The following IQCJ variants were observed in gnomAD, a reference collection of about 807,000 sequenced individuals.
IQCJ encodes the protein IQ motif containing J.
Under a neutral mutation model 11.0 loss-of-function variants are expected in IQCJ, and 9 were observed. The ratio of observed to expected loss-of-function variants is 0.82; its 90% CI spans 0.49 to 1.43. The LOEUF (loss-of-function observed/expected upper bound fraction) is 1.43. Among genes scored for constraint, IQCJ ranks in the 40% most tolerant of loss-of-function variants. The pLI is 0.00. For synonymous variants in IQCJ, 55 were observed against 51.3 expected (o/e 1.07, Z -0.31); for missense variants, 146 against 133.2 (o/e 1.10, Z -0.47).
intron 1 of IQCJ, among the ~76,000 whole-genome samples, chr3:159,150,505 T>C (rs1022056854): frequency 1.3e-5 from 2 of 151,912 alleles, no homozygotes; most frequent in African/African-American, 4.8e-5. Context: ...CTCAGTAGGA[T>C]GCACAGGCAT....
Position 159,119,534 on chromosome 3 carries a change from G to A in IQCJ, c.9+50093G>A, listed in dbSNP as rs145312647. On this transcript the variant is annotated intron_variant, in intron 1 of 3. Transcript: ENST00000397832. ...GCTTTTTCATAGAACATTTGAAGAT[G>A]TTTACTAGTAAAACATCAGAAAAAA... is the stretch of plus-strand genomic sequence containing the variant. Among the ~76,000 whole-genome samples the A allele has an allele frequency of 1.0e-3, 157 of 152,234 alleles. 1 individual carries two copies. Among genetic ancestry groups the A allele is most frequent in the African/African-American group, 3.5e-3 (147 of 41,538 alleles).
At chr3:159,142,848 TAC>T (rs564839547) in intron 1 of IQCJ, among the ~76,000 whole-genome samples, 7 of 152,250 alleles carry the variant, frequency 4.6e-5, no homozygotes, top group African/African-American at 7.2e-5. Context: ...ATTTGATTAT[TAC>T]AATTTTTTAA....
intron 1 of IQCJ, among the ~76,000 whole-genome samples, chr3:159,141,301 C>T (rs755859884): frequency 7.2e-5 from 11 of 152,036 alleles, no homozygotes; most frequent in Non-Finnish European, 1.3e-4. Context: ...GGCTGGGGGG[C>T]ATTAAATGAG....
intron 1 of IQCJ, among the ~76,000 whole-genome samples, chr3:159,240,336 A>G (rs1370021776): frequency 1.3e-5 from 2 of 152,212 alleles, no homozygotes; most frequent in Non-Finnish European, 1.5e-5. Flanking sequence ...GTTAAAAATA[A>G]AGATGTTTAT....
At chr3:159,138,699 G>A (rs537536410) in intron 1 of IQCJ, among the ~76,000 whole-genome samples, 25 of 152,252 alleles carry the variant, frequency 1.6e-4, no homozygotes, top group East Asian at 5.8e-4. Flanking sequence ...GAATATGTTC[G>A]TGTTAATGGT....
At chr3:159,215,520 G>A (rs944994056) in intron 1 of IQCJ, among the ~76,000 whole-genome samples, 2 of 152,100 alleles carry the variant, frequency 1.3e-5, no homozygotes, top group African/African-American at 4.8e-5. Flanking sequence ...AACATACAAT[G>A]AGAAAACCAG....
intron 1 of IQCJ, among the ~76,000 whole-genome samples, chr3:159,195,630 C>A (rs1560021355): frequency 1.3e-5 from 2 of 152,176 alleles, no homozygotes; most frequent in Non-Finnish European, 2.9e-5. Flanking sequence ...GTGAATTCAG[C>A]CTTCTCTGAA....
chr3:159,221,249 T>C (rs143576356), intron 1 of IQCJ, among the ~76,000 whole-genome samples: 52 of 152,224 alleles, frequency 3.4e-4, no homozygotes, highest in African/African-American at 1.2e-3. Context: ...AAATTTCTTC[T>C]CGTTTAAAAT....
intron 1 of IQCJ, among the ~76,000 whole-genome samples, chr3:159,161,122 A>G (rs955863919): frequency 5.9e-5 from 9 of 152,026 alleles, no homozygotes; most frequent in African/African-American, 1.7e-4. Flanking sequence ...CTTCCACAAT[A>G]GTTGAACTAG....
At chr3:159,209,591 C>T (rs1560026419) in intron 1 of IQCJ, among the ~76,000 whole-genome samples, 1 of 152,164 alleles carries the variant, frequency 6.6e-6, no homozygotes, top group African/African-American at 2.4e-5. Context: ...TAACACACGT[C>T]CTCTGGGGCT....
At chr3:159,189,385 C>T (rs900110875) in intron 1 of IQCJ, among the ~76,000 whole-genome samples, 1 of 152,166 alleles carries the variant, frequency 6.6e-6, no homozygotes, top group Non-Finnish European at 1.5e-5. Context: ...AACAAATCAA[C>T]GTTTAGTCCT....
intron 1 of IQCJ, among the ~76,000 whole-genome samples, chr3:159,181,578 C>T (rs73877527): frequency 0.011 from 1,666 of 151,304 alleles, 49 homozygotes; most frequent in African/African-American, 0.039. Flanking sequence ...AAAAACTGAA[C>T]TCATCATTGC....
At chr3:159,194,975 G>A (rs1723900306) in intron 1 of IQCJ, among the ~76,000 whole-genome samples, 1 of 152,128 alleles carries the variant, frequency 6.6e-6, no homozygotes, top group Non-Finnish European at 1.5e-5. Context: ...GCCTGGTGTG[G>A]TGGCATGAGC....
chr3:159,250,704 C>A lies in IQCJ; in HGVS notation c.75-2023C>A, dbSNP rs554520677. Among the ~76,000 whole-genome samples the A allele has an allele frequency of 2.0e-5, 3 of 152,218 alleles. 1 individual carries two copies. The East Asian group carries it at 5.8e-4, about 29-fold the overall frequency. On this transcript the variant is annotated intron_variant, in intron 2 of 3. Coordinates refer to ENST00000397832, the MANE Select transcript of IQCJ (RefSeq NM_001042706.3). ...ATGAGAACAGTGTGGGGGAAACTGC[C>A]CCCATTATTCAATTATTAGATTATC...
chr3:159,130,943 C>T (rs73027664), intron 1 of IQCJ, among the ~76,000 whole-genome samples: 5,217 of 152,260 alleles, frequency 0.034, 313 homozygotes, highest in African/African-American at 0.12. Flanking sequence ...GTTAATTGCT[C>T]CTTTAATCCT....
intron 2 of IQCJ, 88 bp downstream of exon 2, chr3:159,245,995 A>C: frequency 9.8e-7 from 1 of 1,017,568 alleles, no homozygotes; most frequent in South Asian, 1.5e-5. Flanking sequence ...AAGTAAGTAA[A>C]TTGGACAGTT....
intron 1 of IQCJ, among the ~76,000 whole-genome samples, chr3:159,150,868 C>T (rs2108201482): frequency 6.6e-6 from 1 of 152,264 alleles, no homozygotes; most frequent in African/African-American, 2.4e-5. Context: ...TCTCATGGTT[C>T]AGAGCGTCAT....
intron 2 of IQCJ, among the ~76,000 whole-genome samples, chr3:159,250,205 C>T (rs1186539997): frequency 6.6e-6 from 1 of 152,148 alleles, no homozygotes; most frequent in African/African-American, 2.4e-5. Context: ...TTTAAACCAA[C>T]AGGTATTGGT....
intron 1 of IQCJ, among the ~76,000 whole-genome samples, chr3:159,143,840 C>G (rs1720764863): frequency 6.6e-6 from 1 of 152,102 alleles, no homozygotes. Flanking sequence ...AAATTTATTT[C>G]TCATGGTTCT....
Sources: allele counts gnomAD v4.1 joint callset (sites outside exome capture counted in the v4.1 genomes callset), GRCh38; gene constraint gnomAD v4.1.1; transcripts MANE v1.5; gene names NCBI Gene and HGNC (gene_info 2026-07-23, HGNC 2026-07-21).